The following PDZRN4 variants were observed in gnomAD, a reference collection of about 807,000 sequenced individuals.
The protein encoded by PDZRN4 is PDZ domain-containing RING finger protein 4.
In PDZRN4, 70 loss-of-function variants were observed where a neutral mutation model predicts 99.0. The ratio of observed to expected loss-of-function variants is 0.71; its 90% CI spans 0.58 to 0.86. The LOEUF is 0.86. Ranked by LOEUF, PDZRN4 falls within the 40% of genes least tolerant of loss-of-function variation. The pLI is 0.00. For missense variants in PDZRN4, 1,474 were observed against 1,331.2 expected, an observed-to-expected ratio of 1.11 and a Z score of -1.67; for synonymous variants, 551 against 501.6, an observed-to-expected ratio of 1.10 and a Z score of -1.32.
At chr12:41,437,822 T>G in intron 3 of PDZRN4, 2 of 1,583,534 alleles carry the variant, frequency 1.3e-6, no homozygotes, top group Admixed American at 1.7e-5. Flanking sequence ...TTTGTCTGTG[T>G]TTCTGGACTG....
intron 3 of PDZRN4, among the ~76,000 whole-genome samples, chr12:41,353,602 G>A (rs929763320): frequency 6.6e-6 from 1 of 152,048 alleles, no homozygotes; most frequent in Non-Finnish European, 1.5e-5. Context: ...TAATGCATTT[G>A]GTGTCAACCT....
At chr12:41,409,887 T>C (rs769236883) in intron 3 of PDZRN4, 5 of 152,218 alleles carry the variant, frequency 3.3e-5, no homozygotes, top group Non-Finnish European at 5.9e-5. Flanking sequence ...ACTACAGATT[T>C]TGTTTCCATC....
chr12:41,571,238 A>G (rs1185352803), intron 9 of PDZRN4, among the ~76,000 whole-genome samples: 1 of 151,980 alleles, frequency 6.6e-6, no homozygotes, highest in Non-Finnish European at 1.5e-5. Context: ...ATAGAGGTGA[A>G]AGTAACTTTA....
At chr12:41,412,447 A>G (rs1952407166) in intron 3 of PDZRN4, 1 of 114,300 alleles carries the variant, frequency 8.7e-6, no homozygotes, top group Non-Finnish European at 1.9e-5. Context: ...TGGAGTCTTC[A>G]TTTTGGGTAA....
intron 3 of PDZRN4, among the ~76,000 whole-genome samples, chr12:41,320,253 C>G (rs1036543311): frequency 2.0e-5 from 3 of 152,190 alleles, no homozygotes; most frequent in African/African-American, 7.2e-5. Flanking sequence ...TGCTATTGGA[C>G]TCACAGACCT....
intron 3 of PDZRN4, among the ~76,000 whole-genome samples, chr12:41,330,653 T>C (rs928134842): frequency 2.0e-5 from 3 of 152,016 alleles, no homozygotes; most frequent in African/African-American, 7.2e-5. Flanking sequence ...CCTACTGTTA[T>C]TAAAATAAGA....
At chr12:41,346,855 A>G (rs1951858270) in intron 3 of PDZRN4, among the ~76,000 whole-genome samples, 1 of 152,152 alleles carries the variant, frequency 6.6e-6, no homozygotes, top group Non-Finnish European at 1.5e-5. Flanking sequence ...TTTTGTCTCT[A>G]TAGATTTGCC....
intron 3 of PDZRN4, among the ~76,000 whole-genome samples, chr12:41,246,803 T>C (rs1326521662): frequency 6.6e-6 from 1 of 152,170 alleles, no homozygotes; most frequent in Admixed American, 6.5e-5. Flanking sequence ...CCACCGGACA[T>C]GAAATACAGT....
intron 3 of PDZRN4, among the ~76,000 whole-genome samples, chr12:41,229,304 A>G (rs539569932): frequency 6.6e-6 from 1 of 152,042 alleles, no homozygotes; most frequent in Non-Finnish European, 1.5e-5. Flanking sequence ...AGAATCTTTT[A>G]AAGTTCCCTA....
At position 41,418,815 on chromosome 12, in the gene PDZRN4, G is replaced by A. The variant is rs565398604; in HGVS notation, c.844-87641G>A. On this transcript the variant is annotated intron_variant, in intron 3 of 9. Transcript: ENST00000402685. ...AAAAGGGTTTGGCTGGAGAAGAATCGTTGGGTGACCAGCGTAGGGTGTAGG... is the reference window on the plus strand; with the variant it reads ...AAAAGGGTTTGGCTGGAGAAGAATCATTGGGTGACCAGCGTAGGGTGTAGG... Among the ~76,000 whole-genome samples the A allele has an allele frequency of 4.7e-4, 71 of 152,280 alleles. 2 individuals carry two copies. In the South Asian group the frequency reaches 0.013, roughly 29 times the overall value.
intron 5 of PDZRN4, among the ~76,000 whole-genome samples, chr12:41,526,480 C>T (rs931061544): frequency 5.3e-5 from 8 of 152,098 alleles, no homozygotes; most frequent in Non-Finnish European, 8.8e-5. Context: ...TTCCAATGCA[C>T]GAAGAGTTGC....
intron 3 of PDZRN4, among the ~76,000 whole-genome samples, chr12:41,297,785 A>C (rs1951505701): frequency 6.6e-6 from 1 of 152,182 alleles, no homozygotes; most frequent in African/African-American, 2.4e-5. Flanking sequence ...TCAAGCACTC[A>C]GTCATTTAGT....
intron 3 of PDZRN4, among the ~76,000 whole-genome samples, chr12:41,416,200 T>C (rs1952444063): frequency 6.6e-6 from 1 of 152,268 alleles, no homozygotes; most frequent in African/African-American, 2.4e-5. Context: ...TGTTCCTTTC[T>C]CTGTAGACAT....
Position 41,573,480 on chromosome 12 carries a change from A to C in PDZRN4, c.2701A>C (p.Ile901Leu), listed in dbSNP as rs1033086260. ...AATTAGGAGCGACGGGACACGGTAC[A>C]TCACAAAGAGACCCGTGCGAGACCG... The part of the protein sequence containing the change: ...VKIRSDGTRY[I>L]TKRPVRDRIL... Residue 901 changes from isoleucine to leucine, a missense_variant, in exon 10 of 10, where the codon ATC (isoleucine) becomes CTC (leucine). Ile to Leu is a conservative substitution (Grantham distance 5). Transcript: ENST00000402685. 29 of 1,613,908 alleles carry C rather than the reference A, an allele frequency of 1.8e-5. No individual in the cohort carries two copies. Among genetic ancestry groups the C allele is most frequent in the Non-Finnish European group, 2.4e-5 (28 of 1,180,000 alleles).
intron 3 of PDZRN4, among the ~76,000 whole-genome samples, chr12:41,391,072 C>A (rs1407802523): frequency 6.6e-6 from 1 of 152,110 alleles, no homozygotes; most frequent in African/African-American, 2.4e-5. Flanking sequence ...AGTCCCAAGA[C>A]TTGGTTTCTT....
intron 3 of PDZRN4, among the ~76,000 whole-genome samples, chr12:41,307,985 C>T (rs1267644653): frequency 6.6e-6 from 1 of 152,016 alleles, no homozygotes; most frequent in African/African-American, 2.4e-5. Flanking sequence ...AAGTACTTTT[C>T]TCAAGTACCT....
At chr12:41,346,502 A>C (rs1461061817) in intron 3 of PDZRN4, among the ~76,000 whole-genome samples, 1 of 151,946 alleles carries the variant, frequency 6.6e-6, no homozygotes, top group African/African-American at 2.4e-5. Context: ...AAAATAAATT[A>C]AATTAAAATT....
intron 3 of PDZRN4, among the ~76,000 whole-genome samples, chr12:41,484,908 C>G (rs964958911): frequency 2.6e-5 from 4 of 152,046 alleles, no homozygotes; most frequent in African/African-American, 9.7e-5. Flanking sequence ...AAGTGACTTG[C>G]GTCTTTTAGA....
intron 3 of PDZRN4, among the ~76,000 whole-genome samples, chr12:41,418,752 T>C (rs1202613150): frequency 1.3e-5 from 2 of 152,134 alleles, no homozygotes; most frequent in South Asian, 4.1e-4. Flanking sequence ...TGTTGATCTA[T>C]TGCCATTTCC....
Sources: gnomAD v4.1 joint callset for allele counts (sites outside exome capture counted in the v4.1 genomes callset) on GRCh38, gnomAD v4.1.1 for gene constraint, MANE v1.5 for transcripts, NCBI Gene and HGNC (gene_info 2026-07-23, HGNC 2026-07-21) for gene names.